The following EVL variants were observed in gnomAD, a reference collection of about 807,000 sequenced individuals.
EVL encodes the protein ena/VASP-like protein.
A neutral mutation model predicts 59.6 loss-of-function variants in EVL; 21 were observed. The observed-to-expected ratio is 0.35, with a 90% CI of 0.25 to 0.51. EVL has a LOEUF of 0.51. Among genes scored for constraint, EVL ranks in the 20% least tolerant of loss-of-function variants. The probability of loss-of-function intolerance (pLI) is 0.97; values close to 1 mark genes in which losing one functional copy is unlikely to be tolerated. For missense variants in EVL, 462 were observed against 546.6 expected (o/e 0.85, Z 1.54); for synonymous variants, 198 against 203.5 (o/e 0.97, Z 0.23).
Position 100,004,280 on chromosome 14 carries a change from C to A in EVL, c.5+32223C>A, listed in dbSNP as rs1447289301. Among the ~76,000 whole-genome samples, 46 of 152,104 alleles carry A rather than the reference C, an allele frequency of 3.0e-4. 1 individual carries two copies. The highest frequency in any genetic ancestry group is 2.9e-3 in the Admixed American group (45 of 15,284). Reference sequence around the variant, plus strand: ...CAAACAGAACTCAAGGGAAAAAAACCTTTTATGAACTGAAAATGAGTCGAA... The same window carrying A: ...CAAACAGAACTCAAGGGAAAAAAACATTTTATGAACTGAAAATGAGTCGAA... On this transcript the variant is annotated intron_variant, in intron 1 of 13. Coordinates refer to the EVL transcript ENST00000402714.
intron 1 of EVL, among the ~76,000 whole-genome samples, chr14:100,043,470 GGGGGT>G (rs1367861815): frequency 6.6e-6 from 1 of 151,756 alleles, no homozygotes; most frequent in Non-Finnish European, 1.5e-5. Flanking sequence ...AGCCCAGGGT[GGGGGT>G]GGGGTGGGGT....
intron 1 of EVL, among the ~76,000 whole-genome samples, chr14:100,071,851 C>T (rs1566997392): frequency 1.3e-5 from 2 of 152,042 alleles, no homozygotes; most frequent in South Asian, 2.1e-4. Flanking sequence ...GTGGTGGGAT[C>T]GTGGGAACCT....
rs151338014 is a variant in EVL at position 100,068,504 on chromosome 14, A to G, written c.11+2993A>G. 1.7e-3 allele frequency among the ~76,000 whole-genome samples: 265 copies of G among 152,264 alleles called. 1 individual carries two copies. Among genetic ancestry groups the G allele is most frequent in the African/African-American group, 6.3e-3 (262 of 41,548 alleles). ...AAATCACTCTGGGCCCTGTGTGGAT[A>G]ATGGCTGGCAGTGTGGCAAGAATGG... On this transcript the variant is annotated intron_variant, in intron 1 of 13. Transcript: ENST00000392920.
intron 2 of EVL, among the ~76,000 whole-genome samples, chr14:100,090,293 A>G (rs1204818916): frequency 6.6e-6 from 1 of 152,238 alleles, no homozygotes; most frequent in Non-Finnish European, 1.5e-5. Context: ...AACTAAAAAC[A>G]TAGAATATCG....
At chr14:100,083,765 T>G (rs1445600824) in intron 1 of EVL, among the ~76,000 whole-genome samples, 4 of 152,330 alleles carry the variant, frequency 2.6e-5, no homozygotes, top group African/African-American at 9.6e-5. Flanking sequence ...CCAAAATACT[T>G]CATTGCCTAC....
intron 2 of EVL, among the ~76,000 whole-genome samples, chr14:100,094,020 A>G (rs1409550505): frequency 2.0e-5 from 3 of 152,230 alleles, no homozygotes; most frequent in African/African-American, 7.2e-5. Context: ...ATGTATAGGA[A>G]AAAACATAGT....
At chr14:100,019,794 AG>A in intron 1 of EVL, 2 of 1,149,880 alleles carry the variant, frequency 1.7e-6, no homozygotes, top group South Asian at 3.0e-5. Context: ...CAAAAAAAAC[AG>A]GGTTCTTTTC....
At chr14:100,073,495 T>C (rs551866630) in intron 1 of EVL, among the ~76,000 whole-genome samples, 4 of 152,108 alleles carry the variant, frequency 2.6e-5, no homozygotes, top group African/African-American at 9.6e-5. Flanking sequence ...CTAACACTTT[T>C]TTATTTTGTG....
At chr14:100,019,542 A>G (rs2061084421) in intron 1 of EVL, 2 of 794,788 alleles carry the variant, frequency 2.5e-6, no homozygotes, top group African/African-American at 3.6e-5. Flanking sequence ...ACTTCAGAAT[A>G]TTGGGGGGTG....
chr14:100,119,393 G>A (rs1427496457), intron 3 of EVL, among the ~76,000 whole-genome samples: 1 of 152,108 alleles, frequency 6.6e-6, no homozygotes, highest in Non-Finnish European at 1.5e-5. Flanking sequence ...GGGACACTGG[G>A]GCCAGCGTCA....
At chr14:100,141,634 A>G in intron 12 of EVL, 102 bp from the exon 13 acceptor site, 4 of 1,066,128 alleles carry the variant, frequency 3.8e-6, no homozygotes, top group Non-Finnish European at 5.4e-6. Flanking sequence ...GCAACTCTGG[A>G]GAGGCCCAGG....
At chr14:100,078,130 AGTTCAC>A (rs1436024970) in intron 1 of EVL, among the ~76,000 whole-genome samples, 2 of 152,244 alleles carry the variant, frequency 1.3e-5, no homozygotes, top group Admixed American at 1.3e-4. Flanking sequence ...AATTCCACAT[AGTTCAC>A]GTTGGTTTTA....
At chr14:100,072,626 A>G (rs2062072336) in intron 1 of EVL, among the ~76,000 whole-genome samples, 2 of 152,198 alleles carry the variant, frequency 1.3e-5, no homozygotes, top group South Asian at 4.1e-4. Flanking sequence ...AAAGAAATGT[A>G]TGCTCAGGTC....
intron 1 of EVL, among the ~76,000 whole-genome samples, chr14:100,026,904 A>G (rs1218713617): frequency 6.6e-6 from 1 of 152,132 alleles, no homozygotes; most frequent in African/African-American, 2.4e-5. Context: ...GTTGGAATCT[A>G]CAACCATGTG....
At chr14:100,113,846 C>T (rs115327427) in intron 3 of EVL, among the ~76,000 whole-genome samples, 1,907 of 152,166 alleles carry the variant, frequency 0.013, 45 homozygotes, top group African/African-American at 0.043. Context: ...GGCACCGGGA[C>T]AGGCAAGTTG....
rs140277339 is a variant in EVL at position 100,125,384 on chromosome 14, A to G, written c.423-1323A>G. Among the ~76,000 whole-genome samples, 12 of 152,236 alleles carry G rather than the reference A, an allele frequency of 7.9e-5. No homozygotes were observed. In the East Asian group the frequency reaches 2.3e-3, roughly 29 times the overall value. ...GTGACGCAGAGACTCCAAGCATCCA[A>G]ACAGTACCATAGGTTCAGACCTGAC... On this transcript the variant is annotated intron_variant, in intron 4 of 13. Coordinates refer to ENST00000392920, the MANE Select transcript of EVL (RefSeq NM_016337.3).
Position 100,102,446 on chromosome 14 carries a change from C to G in EVL, c.358+4788C>G, listed in dbSNP as rs538849852. 1.4e-3 allele frequency: 636 copies of G among 449,880 alleles called. 1 individual carries two copies. Among genetic ancestry groups the G allele is most frequent in the Non-Finnish European group, 1.4e-3 (318 of 222,828 alleles). The allele number at this position is 449,880 out of a possible 1,614,324, so 27.9% of individuals were successfully genotyped here. On this transcript the variant is annotated intron_variant, in intron 3 of 13. Coordinates refer to ENST00000392920, the MANE Select transcript of EVL (RefSeq NM_016337.3). Reference sequence around the variant, plus strand: ...GGCTGTCAGGTGACATCTACATTGTCTACATTTTAGGAGTTGTTATTGTTA... The same window carrying G: ...GGCTGTCAGGTGACATCTACATTGTGTACATTTTAGGAGTTGTTATTGTTA...
intron 1 of EVL, among the ~76,000 whole-genome samples, chr14:100,059,321 A>C (rs1354768785): frequency 1.3e-5 from 2 of 152,206 alleles, no homozygotes; most frequent in African/African-American, 2.4e-5. Context: ...TAGTCTTGGC[A>C]TGGAGTGGTG....
At chr14:99,999,141 T>C (rs1314084855) in intron 1 of EVL, among the ~76,000 whole-genome samples, 1 of 152,204 alleles carries the variant, frequency 6.6e-6, no homozygotes, top group Non-Finnish European at 1.5e-5. Context: ...TAGTGACTGG[T>C]ACTCTGTTGT....
Sources: gnomAD v4.1 joint callset for allele counts (sites outside exome capture counted in the v4.1 genomes callset) on GRCh38, gnomAD v4.1.1 for gene constraint, MANE v1.5 for transcripts, NCBI Gene and HGNC (gene_info 2026-07-23, HGNC 2026-07-21) for gene names.